Variants in BRSK1 observed in about 807,000 individuals in gnomAD.
BRSK1 encodes the protein serine/threonine-protein kinase BRSK1.
A neutral mutation model predicts 86.2 loss-of-function variants in BRSK1; 17 were observed. The observed-to-expected ratio is 0.20, with a 90% CI of 0.14 to 0.30. The LOEUF is 0.30. BRSK1 is among the 10% of genes least tolerant of loss of function. The pLI is 1.00. For synonymous variants in BRSK1, 464 were observed against 440.1 expected (o/e 1.05, Z -0.68); for missense variants, 719 against 1,071.9 (o/e 0.67, Z 4.60).
At chr19:55,299,988 A>C (rs1374556206) in intron 7 of BRSK1, among the ~76,000 whole-genome samples, 2 of 151,730 alleles carry the variant, frequency 1.3e-5, no homozygotes, top group Non-Finnish European at 2.9e-5. Flanking sequence ...CTCCCCTCCA[A>C]CCCTTGCCCT....
At chr19:55,307,747 TACACACACACACAC>T (rs68176323) in intron 17 of BRSK1, among the ~76,000 whole-genome samples, 57 of 88,126 alleles carry the variant, frequency 6.5e-4, no homozygotes, top group Middle Eastern at 0.013. Context: ...AAAAAATTTA[TACACACACACACAC>T]ACACACACAC....
Position 55,303,375 on chromosome 19 carries a change from G to A in BRSK1, c.1093G>A (p.Glu365Lys). 6.2e-7 allele frequency: 1 copy of A among 1,614,024 alleles called. No homozygotes were observed. Among genetic ancestry groups the A allele is most frequent in the Non-Finnish European group, 8.5e-7 (1 of 1,179,998 alleles). Residue 365 changes from glutamate (E) to lysine (K), a missense_variant, in exon 11 of 19, where the codon GAG (glutamate) becomes AAG (lysine). Coordinates refer to ENST00000309383, the MANE Select transcript of BRSK1 (RefSeq NM_032430.2). The surrounding 1 kb of genome is among the most constrained non-coding windows in gnomAD (Gnocchi z 5.1). ...LDRKERYPSC[E>K]DQDLPPRNDV... The stretch of plus-strand genomic sequence containing the variant: ...TCGGAAGGAGCGGTATCCCAGCTGT[G>A]AGGACCAGGACCTGCCTCCCCGGAA...
chr19:55,293,512 T>C (rs1346827330), intron 4 of BRSK1, among the ~76,000 whole-genome samples: 1 of 132,986 alleles, frequency 7.5e-6, no homozygotes, highest in African/African-American at 2.8e-5. Flanking sequence ...AATAAATAAA[T>C]AAATAAATAA....
Position 55,294,191 on chromosome 19 carries a change from C to G in BRSK1, c.576-23C>G. On this transcript the variant is annotated intron_variant, in intron 5 of 18. Coordinates refer to ENST00000309383, the MANE Select transcript of BRSK1 (RefSeq NM_032430.2). This position sits in a 1 kb window ranked among gnomAD's most constrained non-coding sequence, Gnocchi z 4.9. ...CAGGGGTTTAGAAGCTGGCTGGAGG[C>G]TCACATCAGCTCTCTCCCTCAGGTC... 6.2e-7 allele frequency: 1 copy of G among 1,612,204 alleles called. No homozygotes were observed. The highest frequency in any genetic ancestry group is 1.1e-5 in the South Asian group (1 of 90,956).
chr19:55,285,643 T>C (rs2088298688), intron 1 of BRSK1, among the ~76,000 whole-genome samples: 1 of 152,078 alleles, frequency 6.6e-6, no homozygotes, highest in South Asian at 2.1e-4. Flanking sequence ...AGCAGGCGCG[T>C]CTCCTGGAGC....
At chr19:55,308,777 TGGGTGGCGGGGGGC>T (rs1481323971) in intron 18 of BRSK1, 49 bp downstream of exon 18, 9 of 30,040 alleles carry the variant, frequency 3.0e-4, no homozygotes, top group South Asian at 2.2e-3. Context: ...GCGGGGGCCG[TGGGTGGCGGGGGGC>T]GTGGGTGGCG....
Position 55,285,332 on chromosome 19 carries a change from C to T in BRSK1, c.136+754C>T, listed in dbSNP as rs192813354. Among the ~76,000 whole-genome samples, 580 of 152,110 alleles carry T rather than the reference C, an allele frequency of 3.8e-3. 3 individuals are homozygous for T. In the Middle Eastern group the frequency reaches 0.044, roughly 12 times the overall value. On this transcript the variant is annotated intron_variant, in intron 1 of 18. Transcript: ENST00000309383. ...AGTGTTGGGACAGGGAGTTTGGGGC[C>T]CCAGTGCTCCAGTCCCCATAGGGGC... is the stretch of plus-strand genomic sequence containing the variant.
Position 55,287,153 on chromosome 19 carries a change from A to C in BRSK1, c.231+52A>C. Reference sequence around the variant, plus strand: ...GCGGGTGGGGGGGCCTCCGGGGCTGAGGGCAGGGGCGGGGCCGTGCTGACC... The same window carrying C: ...GCGGGTGGGGGGGCCTCCGGGGCTGCGGGCAGGGGCGGGGCCGTGCTGACC... On this transcript the variant is annotated intron_variant, in intron 2 of 18. Coordinates refer to ENST00000309383, the MANE Select transcript of BRSK1 (RefSeq NM_032430.2). This position sits in a 1 kb window ranked among gnomAD's most constrained non-coding sequence, Gnocchi z 5.3. The C allele has an allele frequency of 6.6e-6, 9 of 1,372,892 alleles. No individual in the cohort carries two copies. The highest frequency in any genetic ancestry group is 9.1e-6 in the Non-Finnish European group (9 of 983,874). 85.0% of individuals were successfully genotyped at this position (1,372,892 alleles called of 1,614,324 possible).
Position 55,284,337 on chromosome 19 carries a change from GCC to G in BRSK1, c.-105_-104del. On this transcript the variant is annotated 5_prime_UTR_variant, in exon 1 of 19. Transcript: ENST00000309383. ...GGGACCCCCGGAGAGGTGGGGGGCA[GCC>G]GGGGGGGCCGGGACGGAGCGGTCGC... The G allele has an allele frequency of 1.1e-6, 1 of 884,526 alleles. No homozygotes were observed. Among genetic ancestry groups the G allele is most frequent in the Non-Finnish European group, 1.5e-6 (1 of 667,580 alleles). The allele number at this position is 884,526 out of a possible 1,614,324, so 54.8% of individuals were successfully genotyped here. A position where few individuals can be genotyped will look rare whatever the true frequency, so the allele number is the denominator to read the frequency against.
intron 3 of BRSK1, among the ~76,000 whole-genome samples, chr19:55,288,711 G>A (rs1448408754): frequency 6.6e-6 from 1 of 151,806 alleles, no homozygotes; most frequent in Non-Finnish European, 1.5e-5. Context: ...TCAGCCTCCC[G>A]AGTGGCTGGG....
In BRSK1 at chr19:55,306,295, G is replaced by A; in HGVS notation, c.1934G>A (p.Arg645Lys). The A allele has an allele frequency of 1.2e-6, 2 of 1,614,126 alleles. No individual in the cohort carries two copies. Among genetic ancestry groups the A allele is most frequent in the Non-Finnish European group, 1.7e-6 (2 of 1,180,042 alleles). Reference sequence around the variant, plus strand: ...AGTGTGCTGTCACAGACCAGCTTCAGGGCCGAGTACAAGGCCAGTGGCGGC... The same window carrying A: ...AGTGTGCTGTCACAGACCAGCTTCAAGGCCGAGTACAAGGCCAGTGGCGGC... ...SHSVLSQTSF[R>K]AEYKASGGPS... The change falls in exon 17 of 19, where the codon AGG (arginine) becomes AAG (lysine). Residue 645 changes from arginine (R) to lysine (K), a missense_variant. Transcript: ENST00000309383. This position sits in a 1 kb window ranked among gnomAD's most constrained non-coding sequence, Gnocchi z 4.7.
chr19:55,301,426 GTGGAGATC>G lies in BRSK1; in HGVS notation c.679-85_679-78del. 7 of 1,498,938 alleles carry G rather than the reference GTGGAGATC, an allele frequency of 4.7e-6. No homozygotes were observed. The East Asian group carries it at 1.6e-4, about 35-fold the overall frequency. 92.9% of individuals were successfully genotyped at this position (1,498,938 alleles called of 1,614,324 possible). A position where few individuals can be genotyped will look rare whatever the true frequency, so the allele number is the denominator to read the frequency against. On this transcript the variant is annotated intron_variant, in intron 7 of 18. Transcript: ENST00000309383. ...GTGCCTCAGTTTCCAACCCCTTAAG[GTGGAGATC>G]ACCGTAGTTCCCCACCTCCAGTGCT...
chr19:55,291,271 G>A (rs2088401873), intron 4 of BRSK1, among the ~76,000 whole-genome samples: 1 of 151,866 alleles, frequency 6.6e-6, no homozygotes, highest in Non-Finnish European at 1.5e-5. Flanking sequence ...GGGCATGGTA[G>A]CACATGCCTG....
Position 55,303,753 on chromosome 19 carries a change from A to C in BRSK1, c.1213A>C (p.Ile405Leu). The part of the protein sequence containing the change: ...PERKSMEVLS[I>L]TDAGGGGSPV... ...GCGGAAGTCCATGGAAGTCCTGAGC[A>C]TCACCGATGCCGGGGGTGGTGGCTC... Residue 405 changes from isoleucine (I) to leucine (L), a missense_variant, in exon 12 of 19, where the codon ATC becomes CTC. Around this residue, in one of 6 missense-constraint regions of BRSK1, gnomAD observed 168 missense variants for 246.3 expected, o/e 0.68. Transcript: ENST00000309383. The surrounding 1 kb of genome is among the most constrained non-coding windows in gnomAD (Gnocchi z 5.1). 1.2e-6 allele frequency: 2 copies of C among 1,613,556 alleles called. No homozygotes were observed. Among genetic ancestry groups the C allele is most frequent in the Non-Finnish European group, 1.7e-6 (2 of 1,179,706 alleles).
intron 15 of BRSK1, 41 bp from the exon 16 acceptor site, chr19:55,305,422 G>A (rs554364334): frequency 1.2e-6 from 2 of 1,614,114 alleles, no homozygotes; most frequent in Admixed American, 3.3e-5. Context: ...CATGCCCTCG[G>A]CGCCTTCCTA....
intron 18 of BRSK1, among the ~76,000 whole-genome samples, chr19:55,309,188 A>G (rs2088725971): frequency 1.3e-5 from 2 of 152,000 alleles, no homozygotes. Context: ...CCCAGGACAA[A>G]TTGGTCACCA....
chr19:55,307,377 T>C (rs35405727), intron 17 of BRSK1, among the ~76,000 whole-genome samples: 17,556 of 151,762 alleles, frequency 0.12, 1,189 homozygotes, highest in Middle Eastern at 0.18. Flanking sequence ...TGGTGAAACC[T>C]GTCTCTACTA....
In BRSK1 at chr19:55,304,884, C is replaced by T; in HGVS notation, c.1681C>T (p.Leu561=). 6.2e-7 allele frequency: 1 copy of T among 1,609,594 alleles called. No individual in the cohort carries two copies. The highest frequency in any genetic ancestry group is 8.5e-7 in the Non-Finnish European group (1 of 1,179,820). Residue 561 remains leucine, a synonymous_variant, in exon 14 of 19, where the codon CTG becomes TTG. Coordinates refer to ENST00000309383, the MANE Select transcript of BRSK1 (RefSeq NM_032430.2). The surrounding 1 kb of genome is among the most constrained non-coding windows in gnomAD (Gnocchi z 5.2). ...TCTCAACTCCATCCGCAACAGCTTC[C>T]TGGGCTCCCCTCGCTTTCACCGGCG... ...SRLNSIRNSF[L]GSPRFHRRKM... is the part of the protein sequence containing the mutation.
In BRSK1 at chr19:55,287,198, C is replaced by T. The variant is rs1259493937; in HGVS notation, c.232-16C>T. The T allele has an allele frequency of 6.2e-7, 1 of 1,613,930 alleles. No individual in the cohort carries two copies. Among genetic ancestry groups the T allele is most frequent in the Non-Finnish European group, 8.5e-7 (1 of 1,179,854 alleles). Reference sequence around the variant, plus strand: ...CTGACCTCTTTTCCCGTGTCCCCACCCCTCTTGACCCTCAGGTGGAGCGGG... The same window carrying T: ...CTGACCTCTTTTCCCGTGTCCCCACTCCTCTTGACCCTCAGGTGGAGCGGG... On this transcript the variant is annotated splice_polypyrimidine_tract_variant and intron_variant, in intron 2 of 18. Coordinates refer to ENST00000309383, the MANE Select transcript of BRSK1 (RefSeq NM_032430.2). This position sits in a 1 kb window ranked among gnomAD's most constrained non-coding sequence, Gnocchi z 5.3.
Sources: allele counts gnomAD v4.1 joint callset (sites outside exome capture counted in the v4.1 genomes callset), GRCh38; gene constraint gnomAD v4.1.1; regional missense constraint gnomAD v4.1.1; non-coding constraint Gnocchi (gnomAD v3.1); transcripts MANE v1.5; gene names NCBI Gene and HGNC (gene_info 2026-07-23, HGNC 2026-07-21).